CACNA1D: variants seen among roughly 807,000 people sequenced by gnomAD.
The protein encoded by CACNA1D is voltage-dependent L-type calcium channel subunit alpha-1D.
In CACNA1D, 55 loss-of-function variants were observed where a neutral mutation model predicts 257.1. That is an observed-to-expected ratio of 0.21 (90% CI 0.17 to 0.27). CACNA1D has a LOEUF of 0.27. Among genes scored for constraint, CACNA1D ranks in the 10% least tolerant of loss-of-function variants. The probability of loss-of-function intolerance (pLI) is 1.00; values close to 1 mark genes in which losing one functional copy is unlikely to be tolerated. For synonymous variants in CACNA1D, 980 were observed against 1,014.9 expected, an observed-to-expected ratio of 0.97 and a Z score of 0.65; for missense variants, 1,876 against 2,784.0, an observed-to-expected ratio of 0.67 and a Z score of 7.34.
rs191542694 is a variant in CACNA1D at position 53,557,475 on chromosome 3, C to T, written c.483+55755C>T. On this transcript the variant is annotated intron_variant, in intron 3 of 47. Transcript: ENST00000350061. ...CGCCATTGCACTCCAGCCTGGGCGA[C>T]AAGAGCGAAACTCTGTCTCAAAAAA... is the stretch of plus-strand genomic sequence containing the variant. Among the ~76,000 whole-genome samples, 16 of 151,578 alleles carry T rather than the reference C, an allele frequency of 1.1e-4. 1 individual carries two copies. In the East Asian group the frequency reaches 2.7e-3, roughly 26 times the overall value.
At chr3:53,571,594 G>T (rs1258399389) in intron 3 of CACNA1D, among the ~76,000 whole-genome samples, 4 of 152,102 alleles carry the variant, frequency 2.6e-5, no homozygotes, top group African/African-American at 9.7e-5. Context: ...GGGAGGCTGG[G>T]ATAGAGGTGG....
rs763320856 is a variant in CACNA1D at position 53,723,952 on chromosome 3, C to T, written c.2053C>T (p.Arg685Trp). 5 of 1,614,164 alleles carry T rather than the reference C, an allele frequency of 3.1e-6. No individual in the cohort carries two copies. Among genetic ancestry groups the T allele is most frequent in the Non-Finnish European group, 3.4e-6 (4 of 1,180,018 alleles). The change falls in exon 14 of 48, where the codon CGG becomes TGG. Residue 685 changes from arginine (R) to tryptophan (W), a missense_variant. By Grantham distance (101) the Arg-to-Trp change is moderately radical (BLOSUM62 -3). This residue lies in a region of CACNA1D where 257 missense variants were observed against 399.7 expected (regional missense o/e 0.64). Coordinates refer to ENST00000350061, the MANE Select transcript of CACNA1D (RefSeq NM_001128840.3). The surrounding 1 kb of genome is among the most constrained non-coding windows in gnomAD (Gnocchi z 5.6). ...TAATTTTGATGAAACGCAAACCAAG[C>T]GGAGCACCTTTGACAATTTCCCTCA... is the stretch of plus-strand genomic sequence containing the variant. ...KFNFDETQTK[R>W]STFDNFPQAL...
At chr3:53,496,372 A>G (rs1030669145) in intron 1 of CACNA1D, among the ~76,000 whole-genome samples, 1 of 152,258 alleles carries the variant, frequency 6.6e-6, no homozygotes, top group East Asian at 1.9e-4. Context: ...GGCCCCTGGC[A>G]TAATCCAGTC....
At chr3:53,715,946 A>G (rs762210436) in intron 9 of CACNA1D, among the ~76,000 whole-genome samples, 6 of 152,220 alleles carry the variant, frequency 3.9e-5, no homozygotes, top group Non-Finnish European at 8.8e-5. Context: ...ATGCTAACTG[A>G]TGACCCCATT....
rs190256725 is a variant in CACNA1D at position 53,689,733 on chromosome 3, A to G, written c.1221-12908A>G. ...CAGTGCAATGGTGCGATTGTAGCTC[A>G]TTGCAGCCTCAAATTTCTGGGCTCA... On this transcript the variant is annotated intron_variant, in intron 8 of 47. Transcript: ENST00000350061. 4.7e-3 allele frequency among the ~76,000 whole-genome samples: 721 copies of G among 152,264 alleles called. 8 individuals are homozygous for G. The highest frequency in any genetic ancestry group is 0.017 in the African/African-American group (697 of 41,544).
At chr3:53,766,216 G>A (rs1480446453) in intron 30 of CACNA1D, 2 of 152,282 alleles carry the variant, frequency 1.3e-5, no homozygotes, top group African/African-American at 4.8e-5. Context: ...CCAGGTGGCT[G>A]ACAGTCTCAC....
intron 3 of CACNA1D, among the ~76,000 whole-genome samples, chr3:53,557,091 C>G (rs1343548104): frequency 6.6e-6 from 1 of 152,126 alleles, no homozygotes; most frequent in Non-Finnish European, 1.5e-5. Context: ...TTGGTTTTTC[C>G]TTTTATGAGT....
At chr3:53,718,123 T>C (rs2094839534) in intron 9 of CACNA1D, among the ~76,000 whole-genome samples, 178 bp from the exon 10 acceptor site, 1 of 152,186 alleles carries the variant, frequency 6.6e-6, no homozygotes, top group South Asian at 2.1e-4. Flanking sequence ...GAGACTCGCC[T>C]GCAGTGGAGA....
At position 53,747,315 on chromosome 3, in the gene CACNA1D, C is replaced by T; in HGVS notation, c.3181C>T (p.Leu1061Phe). 1 of 1,614,080 alleles carries T rather than the reference C, an allele frequency of 6.2e-7. No individual in the cohort carries two copies. The highest frequency in any genetic ancestry group is 8.5e-7 in the Non-Finnish European group (1 of 1,179,918). Residue 1061 changes from leucine (L) to phenylalanine (F), a missense_variant, in exon 26 of 48, where the codon CTC (leucine) becomes TTC (phenylalanine). Physicochemically the swap from Leu to Phe is conservative, Grantham distance 22. Coordinates refer to ENST00000350061, the MANE Select transcript of CACNA1D (RefSeq NM_001128840.3). ...NPEECRGLFI[L>F]YKDGDVDSPV... ...TTTCCTCTCCAGGGGACTTTTCATCCTCTACAAGGATGGGGATGTTGACAG... is the reference window on the plus strand; with the variant it reads ...TTTCCTCTCCAGGGGACTTTTCATCTTCTACAAGGATGGGGATGTTGACAG...
At chr3:53,802,029 C>A in intron 42 of CACNA1D, 118 bp from the exon 43 acceptor site, 1 of 888,564 alleles carries the variant, frequency 1.1e-6, no homozygotes. Context: ...ATGTGGATGG[C>A]GAATCATAAT....
chr3:53,504,364 CT>C (rs926967851), intron 3 of CACNA1D, among the ~76,000 whole-genome samples: 11 of 151,986 alleles, frequency 7.2e-5, no homozygotes, highest in Admixed American at 3.3e-4. Context: ...AAAATTATGA[CT>C]TTTTTTGGGG....
chr3:53,591,747 G>A (rs112856176), intron 3 of CACNA1D, among the ~76,000 whole-genome samples: 2 of 152,198 alleles, frequency 1.3e-5, no homozygotes, highest in African/African-American at 2.4e-5. Context: ...TACACAAAGC[G>A]TAGAAGAACT....
intron 3 of CACNA1D, among the ~76,000 whole-genome samples, chr3:53,606,758 A>G (rs2093515999): frequency 6.6e-6 from 1 of 152,228 alleles, no homozygotes; most frequent in South Asian, 2.1e-4. Context: ...GTAACTACCA[A>G]CCCACTCAAG....
Position 53,650,853 on chromosome 3 carries a change from G to C in CACNA1D, c.558G>C (p.Leu186Phe), listed in dbSNP as rs759742147. The change falls in exon 4 of 48, where the codon TTG becomes TTC. Residue 186 changes from leucine to phenylalanine, a missense_variant. Leu to Phe is a conservative substitution (Grantham distance 22). Around this residue, in one of 10 missense-constraint regions of CACNA1D, gnomAD observed 188 missense variants for 390.4 expected, o/e 0.48. Transcript: ENST00000350061. Reference protein sequence around the residue: ...TFLKIIAYGLLLHPNAYVRNG... With the variant: ...TFLKIIAYGLFLHPNAYVRNG... ...TGAAGATTATAGCGTATGGATTATT[G>C]CTACATCCTAATGCTTATGTTAGGA... is the stretch of plus-strand genomic sequence containing the variant. The C allele has an allele frequency of 2.5e-6, 4 of 1,609,594 alleles. No homozygotes were observed. The Admixed American group carries it at 6.7e-5, about 27-fold the overall frequency.
chr3:53,566,219 A>G (rs760692856), intron 3 of CACNA1D, among the ~76,000 whole-genome samples: 1 of 152,174 alleles, frequency 6.6e-6, no homozygotes, highest in African/African-American at 2.4e-5. Context: ...AGCCTGGAGA[A>G]TATGTGATCT....
chr3:53,563,996 T>C (rs2092787974), intron 3 of CACNA1D, among the ~76,000 whole-genome samples: 1 of 152,214 alleles, frequency 6.6e-6, no homozygotes, highest in African/African-American at 2.4e-5. Context: ...CCTCCAATAA[T>C]TTATAGATGC....
chr3:53,797,964 A>C (rs1035790165), intron 40 of CACNA1D: 3 of 152,164 alleles, frequency 2.0e-5, no homozygotes, highest in African/African-American at 7.2e-5. Flanking sequence ...AGGTGTCTTA[A>C]ACCTTGTCTT....
rs770753094 is a variant in CACNA1D, at chr3:53,530,938, C to T, written c.483+29218C>T. ...ATCAGTGCTCACTGCAGCCTTGACT[C>T]CTGGGCTCAAGCAATCCTCCTACCT... On this transcript the variant is annotated intron_variant, in intron 3 of 47. Coordinates refer to ENST00000350061, the MANE Select transcript of CACNA1D (RefSeq NM_001128840.3). 1.3e-4 allele frequency among the ~76,000 whole-genome samples: 19 copies of T among 151,956 alleles called. No individual in the cohort carries two copies. In the Middle Eastern group the frequency reaches 0.01, roughly 82 times the overall value.
At chr3:53,747,523 G>C in intron 26 of CACNA1D, 75 bp downstream of exon 26, 3 of 1,462,626 alleles carry the variant, frequency 2.1e-6, no homozygotes, top group South Asian at 2.3e-5. Flanking sequence ...CCTGGAGTCA[G>C]TCCCATTTCT....
Sources: gnomAD v4.1 joint callset for allele counts (sites outside exome capture counted in the v4.1 genomes callset) on GRCh38, gnomAD v4.1.1 for gene constraint, gnomAD v4.1.1 regional missense constraint, Gnocchi (gnomAD v3.1) non-coding constraint, MANE v1.5 for transcripts, NCBI Gene and HGNC (gene_info 2026-07-23, HGNC 2026-07-21) for gene names.